HDAC7: variants seen among roughly 807,000 people sequenced by gnomAD.
The protein encoded by HDAC7 is histone deacetylase 7.
A neutral mutation model predicts 115.5 loss-of-function variants in HDAC7; 26 were observed. The ratio of observed to expected loss-of-function variants is 0.23; its 90% confidence interval spans 0.16 to 0.31. The LOEUF is 0.31. Ranked by LOEUF, HDAC7 falls within the 10% of genes least tolerant of loss-of-function variation. HDAC7 has a pLI of 1.00. For synonymous variants in HDAC7, 564 were observed against 550.9 expected (o/e 1.02, Z -0.33); for missense variants, 1,068 against 1,329.0 (o/e 0.80, Z 3.05).
At chr12:47,821,318 TGCTACCG>T (rs1945017988), upstream of HDAC7, among the ~76,000 whole-genome samples, 1 of 152,206 alleles carries the variant, frequency 6.6e-6, no homozygotes, top group Non-Finnish European at 1.5e-5. Flanking sequence ...CACTATCTGT[TGCTACCG>T]GCATATTCAG....
At chr12:47,788,256 G>T in intron 19 of HDAC7, 92 bp from the exon 20 acceptor site, 1 of 1,461,852 alleles carries the variant, frequency 6.8e-7, no homozygotes, top group South Asian at 1.4e-5. Context: ...CCATTCTGAG[G>T]TCAGGACCCT....
chr12:47,795,974 C>A lies in HDAC7; in HGVS notation c.838G>T (p.Ala280Ser). The A allele has an allele frequency of 6.5e-7, 1 of 1,549,948 alleles. No individual in the cohort carries two copies. Among genetic ancestry groups the A allele is most frequent in the Non-Finnish European group, 8.7e-7 (1 of 1,147,274 alleles). ...GACACTGTCGGCAAGGCGAACGGGG[C>A]CACAGAAGTCTCCTGCAGCCGCAGC... ...QRLRLQETSV[A>S]PFALPTVSLL... Residue 280 changes from alanine to serine, a missense_variant, in exon 9 of 26, where the codon GCC becomes TCC. Ala to Ser is a moderately conservative substitution (Grantham distance 99). Coordinates refer to ENST00000080059, the MANE Select transcript of HDAC7 (RefSeq NM_015401.5). The surrounding 1 kb of genome is among the most constrained non-coding windows in gnomAD (Gnocchi z 4.3).
At chr12:47,816,599 T>A (rs1944856627) in intron 1 of HDAC7, among the ~76,000 whole-genome samples, 1 of 152,146 alleles carries the variant, frequency 6.6e-6, no homozygotes, top group Non-Finnish European at 1.5e-5. Flanking sequence ...AGACCCACAC[T>A]AAACAGACGC....
chr12:47,799,910 G>T (rs71462981), intron 2 of HDAC7, among the ~76,000 whole-genome samples: 4,147 of 152,270 alleles, frequency 0.027, 65 homozygotes, highest in Middle Eastern at 0.071. Context: ...GGAGCAGGCC[G>T]GCCCCATGGG....
chr12:47,799,688 C>G lies in HDAC7; in HGVS notation c.71-716G>C, dbSNP rs117086766. 3.5e-3 allele frequency among the ~76,000 whole-genome samples: 539 copies of G among 152,352 alleles called. 1 individual carries two copies. Among genetic ancestry groups the G allele is most frequent in the Non-Finnish European group, 6.2e-3 (421 of 68,028 alleles). The stretch of plus-strand genomic sequence containing the variant: ...GGCATGGTCAGGATGGCAGGCACGG[C>G]TGCCTCTTCTCAAGTGTCCTCTGCA... On this transcript the variant is annotated intron_variant, in intron 2 of 25. Coordinates refer to ENST00000080059, the MANE Select transcript of HDAC7 (RefSeq NM_015401.5).
At chr12:47,788,356 T>A (rs1183529356) in intron 19 of HDAC7, 192 bp from the exon 20 acceptor site, 5 of 541,150 alleles carry the variant, frequency 9.2e-6, no homozygotes, top group Non-Finnish European at 1.5e-5. Context: ...TCGGCCTCTC[T>A]GTGCTGGACA....
In HDAC7 at chr12:47,794,946, G is replaced by C. The variant is rs760719664; in HGVS notation, c.1285-13C>G. 1.9e-6 allele frequency: 3 copies of C among 1,604,636 alleles called. No homozygotes were observed. Among genetic ancestry groups the C allele is most frequent in the African/African-American group, 2.7e-5 (2 of 74,902 alleles). On this transcript the variant is annotated splice_polypyrimidine_tract_variant and intron_variant, in intron 11 of 25. Transcript: ENST00000080059. ...GCTTGGCTGACCTCTGGGGAGGGGAGAACCTGGCTGAGAAGCCATGGTGGA... is the reference window on the plus strand; with the variant it reads ...GCTTGGCTGACCTCTGGGGAGGGGACAACCTGGCTGAGAAGCCATGGTGGA...
chr12:47,816,964 G>C (rs368408924), intron 1 of HDAC7, among the ~76,000 whole-genome samples: 2 of 152,182 alleles, frequency 1.3e-5, no homozygotes, highest in African/African-American at 2.4e-5. Flanking sequence ...TGATCCTAGG[G>C]AGCCAAAAGG....
At chr12:47,791,217 G>C (rs767807291) in intron 16 of HDAC7, 42 bp downstream of exon 16, 9 of 1,544,320 alleles carry the variant, frequency 5.8e-6, no homozygotes, top group South Asian at 4.7e-5. Context: ...GGAGAGCTGA[G>C]AGCCCTGGCA....
intron 1 of HDAC7, 165 bp from the exon 2 acceptor site, chr12:47,802,439 A>G (rs1481196257): frequency 6.5e-7 from 1 of 1,550,248 alleles, no homozygotes; most frequent in South Asian, 1.2e-5. Flanking sequence ...ACCCCACCCC[A>G]TTCGACTCCT....
In HDAC7 at chr12:47,789,338, A is replaced by C; in HGVS notation, c.2158T>G (p.Phe720Val). 2.5e-6 allele frequency: 4 copies of C among 1,613,912 alleles called. No individual in the cohort carries two copies. Among genetic ancestry groups the C allele is most frequent in the East Asian group, 4.5e-5 (2 of 44,886 alleles). Residue 720 changes from phenylalanine (F) to valine (V), a missense_variant, in exon 19 of 26, where the codon TTC (phenylalanine) becomes GTC (valine). Phe to Val is a conservative substitution (Grantham distance 50). This residue lies in a region of HDAC7 where 182 missense variants were observed against 301.1 expected (regional missense o/e 0.60). Coordinates refer to ENST00000080059, the MANE Select transcript of HDAC7 (RefSeq NM_015401.5). ...CAGGCGATGGCCACTGAGTTGAAGA[A>C]GCAGAAGCCCCTGGAAGGAGAGACA... ...ADHSTAMGFC[F>V]FNSVAIACRQ... is the part of the protein sequence containing the mutation.
Position 47,796,307 on chromosome 12 carries a change from T to C in HDAC7, c.704-9A>G, listed in dbSNP as rs746323001. ...ACTACTTGGGGAGGAGTCTGAGGGT[T>C]GGGGAGAGAGGGAAGTGCAGTCAGA... On this transcript the variant is annotated splice_polypyrimidine_tract_variant and intron_variant, in intron 7 of 25. Coordinates refer to ENST00000080059, the MANE Select transcript of HDAC7 (RefSeq NM_015401.5). 1 of 1,588,124 alleles carries C rather than the reference T, an allele frequency of 6.3e-7. No homozygotes were observed. The highest frequency in any genetic ancestry group is 2.3e-5 in the East Asian group (1 of 44,248).
At chr12:47,789,374 G>A (rs781701854) in intron 18 of HDAC7, 26 bp from the exon 19 acceptor site, 7 of 1,604,600 alleles carry the variant, frequency 4.4e-6, no homozygotes, top group Non-Finnish European at 6.0e-6. Context: ...GGTCCTGCCA[G>A]CCCATTCTCT....
At position 47,797,253 on chromosome 12, in the gene HDAC7, G is replaced by A. The variant is rs1437349595; in HGVS notation, c.578-111C>T. ...GTCAAGGAAAGAGAAGGCAGAACTA[G>A]AAAGAAGATCCTAGCCTACCGATGA... On this transcript the variant is annotated intron_variant, in intron 6 of 25. Transcript: ENST00000080059. This position sits in a 1 kb window ranked among gnomAD's most constrained non-coding sequence, Gnocchi z 5.5. The A allele has an allele frequency of 6.4e-7, 1 of 1,559,970 alleles. No homozygotes were observed. Among genetic ancestry groups the A allele is most frequent in the African/African-American group, 1.4e-5 (1 of 73,756 alleles).
At chr12:47,805,220 C>T (rs887738873) in intron 1 of HDAC7, among the ~76,000 whole-genome samples, 6 of 151,862 alleles carry the variant, frequency 4.0e-5, no homozygotes, top group Non-Finnish European at 7.4e-5. Flanking sequence ...ACAGTATGCA[C>T]CACGATGCCT....
At chr12:47,817,366 T>A (rs1592076781) in intron 1 of HDAC7, 1 of 152,096 alleles carries the variant, frequency 6.6e-6, no homozygotes, top group East Asian at 1.9e-4. Flanking sequence ...TACCAACCCC[T>A]CCTCACCATC....
rs61754652 is a variant in HDAC7 at position 47,797,117 on chromosome 12, G to A, written c.603C>T (p.Arg201=). 7.7e-3 allele frequency: 12,307 copies of A among 1,605,110 alleles called. 70 individuals carry two copies. Among genetic ancestry groups the A allele is most frequent in the Non-Finnish European group, 8.5e-3 (9,973 of 1,175,956 alleles). Residue 201 remains arginine (R), a synonymous_variant, in exon 7 of 26, where the codon CGC becomes CGT. Coordinates refer to ENST00000080059, the MANE Select transcript of HDAC7 (RefSeq NM_015401.5). This position sits in a 1 kb window ranked among gnomAD's most constrained non-coding sequence, Gnocchi z 5.5. ...KTVSEPNLKL[R]YKPKKSLERR... ...GCTCCAGGGACTTCTTGGGCTTATA[G>A]CGCAGCTTCAGGTTGGGCTCAGAGA...
chr12:47,796,265 G>A lies in HDAC7; in HGVS notation c.737C>T (p.Ser246Leu). ...SSPSSSSTPA[S>L]GCSSPNDSEH... ...GCTGTCATTGGGGGAGCTGCACCCT[G>A]ATGCGGGCGTGCTGCTACTACTTGG... Residue 246 changes from serine (S) to leucine (L), a missense_variant, in exon 8 of 26, where the codon TCA becomes TTA. By Grantham distance (145) the Ser-to-Leu change is moderately radical. This residue lies in a region of HDAC7 where 618 missense variants were observed against 701.5 expected (regional missense o/e 0.88). Transcript: ENST00000080059. The A allele has an allele frequency of 6.3e-7, 1 of 1,598,016 alleles. No individual in the cohort carries two copies. The highest frequency in any genetic ancestry group is 8.5e-7 in the Non-Finnish European group (1 of 1,175,752).
chr12:47,810,826 C>G (rs112806891), intron 1 of HDAC7, among the ~76,000 whole-genome samples: 1 of 97,176 alleles, frequency 1.0e-5, no homozygotes, highest in Admixed American at 9.2e-5. Flanking sequence ...CTCTCTCTCT[C>G]TCTCTCTCTC....
Sources: gnomAD v4.1 joint callset for allele counts (sites outside exome capture counted in the v4.1 genomes callset) on GRCh38, gnomAD v4.1.1 for gene constraint, gnomAD v4.1.1 regional missense constraint, Gnocchi (gnomAD v3.1) non-coding constraint, MANE v1.5 for transcripts, NCBI Gene and HGNC (gene_info 2026-07-23, HGNC 2026-07-21) for gene names.